Variants in PDE4D observed in about 807,000 individuals in gnomAD.
PDE4D encodes the protein phosphodiesterase 4D.
In PDE4D, 24 loss-of-function variants were observed where a neutral mutation model predicts 87.4. The observed-to-expected ratio is 0.27, with a 90% confidence interval of 0.20 to 0.39. The LOEUF (loss-of-function observed/expected upper bound fraction) is 0.39. Ranked by LOEUF, PDE4D falls within the 10% of genes least tolerant of loss-of-function variation. The pLI is 1.00. For missense variants in PDE4D, 714 were observed against 1,041.0 expected, an observed-to-expected ratio of 0.69 and a Z score of 4.32; for synonymous variants, 384 against 383.2, an observed-to-expected ratio of 1.00 and a Z score of -0.02.
intron 1 of PDE4D, among the ~76,000 whole-genome samples, chr5:60,316,661 C>T (rs1327857441): frequency 1.3e-5 from 2 of 152,098 alleles, no homozygotes; most frequent in Non-Finnish European, 2.9e-5. Flanking sequence ...AGATACGTCC[C>T]ATCAATACCT....
At chr5:59,559,313 G>A (rs1433139270) in intron 1 of PDE4D, among the ~76,000 whole-genome samples, 1 of 152,086 alleles carries the variant, frequency 6.6e-6, no homozygotes, top group Non-Finnish European at 1.5e-5. Context: ...ACATACAACA[G>A]CTTGAAAATA....
At chr5:60,324,917 T>C (rs1469987186) in intron 1 of PDE4D, among the ~76,000 whole-genome samples, 1 of 152,160 alleles carries the variant, frequency 6.6e-6, no homozygotes, top group Non-Finnish European at 1.5e-5. Flanking sequence ...TCTAAAGAGA[T>C]CTTATTCAGA....
At chr5:59,141,316 T>A (rs1385324493) in intron 5 of PDE4D, among the ~76,000 whole-genome samples, 6 of 152,250 alleles carry the variant, frequency 3.9e-5, no homozygotes, top group Non-Finnish European at 1.5e-5. Context: ...TCAGGCTGTT[T>A]ACAACTGAAA....
intron 5 of PDE4D, among the ~76,000 whole-genome samples, chr5:59,054,596 G>T (rs1205171521): frequency 6.6e-6 from 1 of 151,094 alleles, no homozygotes; most frequent in Non-Finnish European, 1.5e-5. Flanking sequence ...CCAATAAAAA[G>T]AATTATATAT....
At chr5:59,971,281 G>A (rs753111561) in intron 3 of PDE4D, among the ~76,000 whole-genome samples, 4 of 150,950 alleles carry the variant, frequency 2.6e-5, no homozygotes, top group Non-Finnish European at 4.4e-5. Context: ...TGGGTGCAGC[G>A]CACCAGCATG....
rs572114609 is a variant in PDE4D at position 59,594,192 on chromosome 5, G to A, written c.455+298976C>T. Among the ~76,000 whole-genome samples, 52 of 151,230 alleles carry A rather than the reference G, an allele frequency of 3.4e-4. No homozygotes were observed. In the South Asian group the frequency reaches 0.01, roughly 30 times the overall value. The stretch of plus-strand genomic sequence containing the variant: ...AAACACTTAGGAGATTCACAATCCA[G>A]AGGCCCAGGCTCACCAAAAGTCTGA... On this transcript the variant is annotated intron_variant, in intron 1 of 14. Transcript: ENST00000340635.
chr5:59,474,301 A>G (rs571562497), intron 1 of PDE4D, among the ~76,000 whole-genome samples: 1 of 152,252 alleles, frequency 6.6e-6, no homozygotes, highest in African/African-American at 2.4e-5. Context: ...TTCTTTCACC[A>G]AAAATAAGAC....
chr5:59,065,121 CACAT>C (rs1251383693), intron 5 of PDE4D, among the ~76,000 whole-genome samples: 8 of 132,584 alleles, frequency 6.0e-5, no homozygotes, highest in African/African-American at 2.5e-4. Context: ...CACACACACA[CACAT>C]ATACAATGAA....
chr5:59,803,174 G>A (rs924326852), intron 1 of PDE4D, among the ~76,000 whole-genome samples: 2 of 152,214 alleles, frequency 1.3e-5, no homozygotes, highest in Middle Eastern at 6.8e-3. Context: ...CAGGCTCTAA[G>A]GCAGTGGTTC....
At chr5:60,444,731 G>A (rs1464354653) in intron 1 of PDE4D, among the ~76,000 whole-genome samples, 1 of 151,798 alleles carries the variant, frequency 6.6e-6, no homozygotes, top group African/African-American at 2.4e-5. Flanking sequence ...GGGAAGGGTG[G>A]GGATGTGGAA....
chr5:60,200,863 G>C (rs1741821403), intron 1 of PDE4D, among the ~76,000 whole-genome samples: 1 of 151,932 alleles, frequency 6.6e-6, no homozygotes, highest in Non-Finnish European at 1.5e-5. Flanking sequence ...ATAGACCAAG[G>C]GAAAAGAAAA....
chr5:59,885,974 A>G (rs1187420567), intron 1 of PDE4D, among the ~76,000 whole-genome samples: 1 of 152,172 alleles, frequency 6.6e-6, no homozygotes, highest in South Asian at 2.1e-4. Context: ...CCCTTCCATC[A>G]TCTATAAAAT....
chr5:59,960,701 CA>C (rs2152810172), intron 3 of PDE4D, among the ~76,000 whole-genome samples: 1 of 151,922 alleles, frequency 6.6e-6, no homozygotes, highest in South Asian at 2.1e-4. Context: ...ACAAGGAACT[CA>C]AAAAGAGGGG....
chr5:59,035,718 T>A (rs1347003403), intron 6 of PDE4D, among the ~76,000 whole-genome samples: 1 of 152,238 alleles, frequency 6.6e-6, no homozygotes, highest in Non-Finnish European at 1.5e-5. Context: ...TGTAACTCCA[T>A]TAGCAAGAAA....
At chr5:59,200,934 A>T (rs2153494098) in intron 2 of PDE4D, among the ~76,000 whole-genome samples, 1 of 152,176 alleles carries the variant, frequency 6.6e-6, no homozygotes, top group Non-Finnish European at 1.5e-5. Flanking sequence ...TGTATATTCA[A>T]CTGTATATCT....
At chr5:60,390,930 C>T (rs1762521960) in intron 1 of PDE4D, among the ~76,000 whole-genome samples, 2 of 152,154 alleles carry the variant, frequency 1.3e-5, no homozygotes, top group Admixed American at 6.6e-5. Flanking sequence ...TGAACCTGCC[C>T]TAGAAGCCCC....
Position 59,411,441 on chromosome 5 carries a change from C to T in PDE4D, c.456-195473G>A, listed in dbSNP as rs542828565. On this transcript the variant is annotated intron_variant, in intron 1 of 14. Coordinates refer to ENST00000340635, the MANE Select transcript of PDE4D (RefSeq NM_001104631.2). ...TTCCAGGGCTTCCATAACAAAATAC[C>T]ACAGATTGGGTGGCTTACACGACAG... 1.6e-4 allele frequency among the ~76,000 whole-genome samples: 25 copies of T among 152,144 alleles called. No individual in the cohort carries two copies. The South Asian group carries it at 4.8e-3, about 29-fold the overall frequency.
rs188863662 is a variant in PDE4D at position 60,009,275 on chromosome 5, A to G, written c.43-20558T>C. 3.8e-3 allele frequency among the ~76,000 whole-genome samples: 575 copies of G among 152,246 alleles called. 1 individual carries two copies. The highest frequency in any genetic ancestry group is 6.4e-3 in the Non-Finnish European group (436 of 67,962). On this transcript the variant is annotated intron_variant, in intron 2 of 16. Transcript: ENST00000502484. ...GTTATTTAATCTGATATGCTTTACT[A>G]TTAGTGACCTAATACAAGCTCCAGG...
intron 1 of PDE4D, among the ~76,000 whole-genome samples, chr5:59,890,193 A>G (rs888514348): frequency 2.0e-5 from 3 of 151,940 alleles, no homozygotes; most frequent in African/African-American, 7.3e-5. Flanking sequence ...TTTCAGAGAC[A>G]TTAACTTGAT....
Sources: allele counts gnomAD v4.1 joint callset (sites outside exome capture counted in the v4.1 genomes callset), GRCh38; gene constraint gnomAD v4.1.1; transcripts MANE v1.5; gene names NCBI Gene and HGNC (gene_info 2026-07-23, HGNC 2026-07-21).